Variants in AGMO observed in about 807,000 individuals in gnomAD.
The protein encoded by AGMO is glyceryl-ether monooxygenase.
A neutral mutation model predicts 60.2 loss-of-function variants in AGMO; 75 were observed. The ratio of observed to expected loss-of-function variants is 1.25; its 90% confidence interval spans 1.03 to 1.51. The LOEUF (loss-of-function observed/expected upper bound fraction) is 1.51. Among genes scored for constraint, AGMO ranks in the 40% most tolerant of loss-of-function variants. The probability of loss-of-function intolerance (pLI) is 0.00; values close to 1 mark genes in which losing one functional copy is unlikely to be tolerated. For missense variants in AGMO, 763 were observed against 525.5 expected (o/e 1.45, Z -4.42); for synonymous variants, 261 against 177.1 (o/e 1.47, Z -3.76).
At chr7:15,318,729 C>T (rs1358870300) in intron 12 of AGMO, among the ~76,000 whole-genome samples, 1 of 151,946 alleles carries the variant, frequency 6.6e-6, no homozygotes, top group Non-Finnish European at 1.5e-5. Flanking sequence ...TTTAAAAATA[C>T]GGGCTAGAAT....
intron 12 of AGMO, among the ~76,000 whole-genome samples, chr7:15,357,754 C>T (rs1782595295): frequency 6.6e-6 from 1 of 152,130 alleles, no homozygotes; most frequent in Non-Finnish European, 1.5e-5. Context: ...TTTCCACATT[C>T]GCTTTTATCT....
At chr7:15,474,385 G>C (rs944338196) in intron 3 of AGMO, among the ~76,000 whole-genome samples, 1 of 152,090 alleles carries the variant, frequency 6.6e-6, no homozygotes, top group African/African-American at 2.4e-5. Flanking sequence ...AGAGGCCTCA[G>C]AAATAACACC....
the AGMO span, among the ~76,000 whole-genome samples, chr7:15,131,636 C>T: frequency 2.0e-5 from 3 of 151,910 alleles, no homozygotes. Context: ...ATATTCAAAA[C>T]AGGGCAGTTG....
chr7:15,192,946 TAAAC>T, the AGMO span, among the ~76,000 whole-genome samples: 1 of 152,216 alleles, frequency 6.6e-6, no homozygotes, highest in African/African-American at 2.4e-5. Flanking sequence ...AAAAATGACA[TAAAC>T]AGAATAATTA....
intron 12 of AGMO, among the ~76,000 whole-genome samples, chr7:15,214,744 G>A (rs888677531): frequency 2.0e-5 from 3 of 152,062 alleles, no homozygotes; most frequent in Admixed American, 1.3e-4. Context: ...TTGCTTTTGC[G>A]AGGGTCAAAA....
intron 12 of AGMO, among the ~76,000 whole-genome samples, chr7:15,240,865 T>A (rs1181370941): frequency 6.6e-6 from 1 of 152,008 alleles, no homozygotes; most frequent in African/African-American, 2.4e-5. Context: ...TAGGTGATTT[T>A]TTTTTCCAAT....
intron 12 of AGMO, among the ~76,000 whole-genome samples, chr7:15,278,906 C>T (rs779332529): frequency 1.3e-5 from 2 of 152,124 alleles, no homozygotes; most frequent in African/African-American, 4.8e-5. Flanking sequence ...GAAGCATGGA[C>T]CCCATTTAGC....
intron 5 of AGMO, 127 bp from the exon 6 acceptor site, chr7:15,394,306 G>T: frequency 1.4e-6 from 1 of 700,634 alleles, no homozygotes; most frequent in Non-Finnish European, 2.4e-6. Context: ...GTATCAGAGA[G>T]TGGAAAAAAG....
chr7:15,466,596 G>T (rs1040067467), intron 3 of AGMO, among the ~76,000 whole-genome samples: 4 of 152,086 alleles, frequency 2.6e-5, no homozygotes, highest in Non-Finnish European at 4.4e-5. Flanking sequence ...GGAGGCTTTA[G>T]GGCTAAACTA....
chr7:15,206,033 T>A (rs1781430887), intron 12 of AGMO, among the ~76,000 whole-genome samples: 2 of 152,118 alleles, frequency 1.3e-5, no homozygotes, highest in Admixed American at 1.3e-4. Flanking sequence ...TAAATACACT[T>A]TTTAACACAA....
At chr7:15,341,480 A>G (rs938840516) in intron 12 of AGMO, among the ~76,000 whole-genome samples, 1 of 152,108 alleles carries the variant, frequency 6.6e-6, no homozygotes, top group Non-Finnish European at 1.5e-5. Flanking sequence ...TGTCCATATC[A>G]CTATCAGCAT....
intron 12 of AGMO, among the ~76,000 whole-genome samples, chr7:15,263,004 T>C (rs1452083754): frequency 2.0e-5 from 3 of 152,082 alleles, no homozygotes; most frequent in African/African-American, 7.2e-5. Context: ...AAAACCCTTC[T>C]AGACATTGGC....
At chr7:15,427,052 T>C (rs1781085684) in intron 4 of AGMO, among the ~76,000 whole-genome samples, 1 of 152,038 alleles carries the variant, frequency 6.6e-6, no homozygotes, top group African/African-American at 2.4e-5. Context: ...CAGTGGGTGA[T>C]GGGTTGAGGG....
intron 12 of AGMO, among the ~76,000 whole-genome samples, chr7:15,279,725 C>A (rs1419665643): frequency 6.6e-6 from 1 of 152,184 alleles, no homozygotes; most frequent in Admixed American, 6.5e-5. Flanking sequence ...ATGCAGAAAA[C>A]TGTAAGCCTC....
the AGMO span, among the ~76,000 whole-genome samples, chr7:15,130,141 G>A: frequency 2.1e-4 from 32 of 151,950 alleles, no homozygotes; most frequent in African/African-American, 5.8e-4. Flanking sequence ...ATTATAGTTA[G>A]CATAAAATAT....
At chr7:15,339,972 G>A (rs1392740483) in intron 12 of AGMO, among the ~76,000 whole-genome samples, 5 of 152,288 alleles carry the variant, frequency 3.3e-5, no homozygotes, top group Admixed American at 2.6e-4. Context: ...AAGTGACTGT[G>A]ACTGAGGCAT....
rs191113738 is a variant in AGMO, at chr7:15,367,624, G to A, written c.1075-1402C>T. ...AATAGATTTAAAGGAGCTAATGGCAGAAGTCTAAATTGAGATTACATAGCC... is the reference window on the plus strand; with the variant it reads ...AATAGATTTAAAGGAGCTAATGGCAAAAGTCTAAATTGAGATTACATAGCC... On this transcript the variant is annotated intron_variant, in intron 10 of 12. Coordinates refer to ENST00000342526, the MANE Select transcript of AGMO (RefSeq NM_001004320.2). Among the ~76,000 whole-genome samples the A allele has an allele frequency of 3.2e-3, 481 of 152,202 alleles. 1 individual carries two copies. The highest frequency in any genetic ancestry group is 0.011 in the African/African-American group (449 of 41,538).
At chr7:15,445,075 A>T (rs773082665) in intron 3 of AGMO, among the ~76,000 whole-genome samples, 1 of 152,156 alleles carries the variant, frequency 6.6e-6, no homozygotes, top group Non-Finnish European at 1.5e-5. Flanking sequence ...TTTTTTAATA[A>T]TTTTTTAAAA....
At chr7:15,390,180 T>A (rs535352847) in intron 8 of AGMO, among the ~76,000 whole-genome samples, 21 of 151,792 alleles carry the variant, frequency 1.4e-4, no homozygotes, top group African/African-American at 4.6e-4. Context: ...AGAAAACTGG[T>A]CCAGTCCAAC....
Sources: gnomAD v4.1 joint callset for allele counts (sites outside exome capture counted in the v4.1 genomes callset) on GRCh38, gnomAD v4.1.1 for gene constraint, MANE v1.5 for transcripts, NCBI Gene and HGNC (gene_info 2026-07-23, HGNC 2026-07-21) for gene names.